Variants in LARGE1 observed in about 807,000 individuals in gnomAD.
LARGE1 encodes the protein LARGE xylosyl- and glucuronyltransferase 1, also known as xylosyl- and glucuronyltransferase LARGE1.
Under a neutral mutation model 87.6 loss-of-function variants are expected in LARGE1, and 43 were observed. That is an observed-to-expected ratio of 0.49 (90% confidence interval 0.38 to 0.63). The LOEUF (loss-of-function observed/expected upper bound fraction) is 0.63, where lower values mean the gene tolerates loss of function less well. Among genes scored for constraint, LARGE1 ranks in the 30% least tolerant of loss-of-function variants. The pLI, the probability that LARGE1 is intolerant of heterozygous loss-of-function variation, is 0.00. For synonymous variants in LARGE1, 434 were observed against 394.6 expected (o/e 1.10, Z -1.18); for missense variants, 802 against 1,000.2 (o/e 0.80, Z 2.67).
chr22:33,864,311 T>G (rs1428011212), intron 1 of LARGE1, among the ~76,000 whole-genome samples: 2 of 152,208 alleles, frequency 1.3e-5, no homozygotes, highest in Non-Finnish European at 2.9e-5. Context: ...TCAGGAAGGT[T>G]ATTTACAATA....
At chr22:33,478,333 G>C (rs1193022013) in intron 6 of LARGE1, among the ~76,000 whole-genome samples, 5 of 152,216 alleles carry the variant, frequency 3.3e-5, no homozygotes, top group African/African-American at 1.2e-4. Flanking sequence ...AGGAGCTCCA[G>C]GCTTAAACCA....
downstream of LARGE1, among the ~76,000 whole-genome samples, chr22:33,158,621 C>T (rs1036263180): frequency 6.6e-6 from 1 of 152,158 alleles, no homozygotes; most frequent in Non-Finnish European, 1.5e-5. Flanking sequence ...GAAGAGGCCT[C>T]TCCATGGGAA....
intron 1 of LARGE1, among the ~76,000 whole-genome samples, chr22:33,908,534 A>G (rs1331193857): frequency 2.3e-5 from 3 of 130,692 alleles, no homozygotes; most frequent in Admixed American, 1.6e-4. Context: ...TTGATGATGC[A>G]TGAAATGGGG....
At chr22:33,085,995 C>G in the LARGE1 span, among the ~76,000 whole-genome samples, 1 of 152,126 alleles carries the variant, frequency 6.6e-6, no homozygotes, top group African/African-American at 2.4e-5. Flanking sequence ...CTATTTTGTT[C>G]AATAGATCCA....
At chr22:33,555,302 C>T (rs1244912331) in intron 6 of LARGE1, among the ~76,000 whole-genome samples, 1 of 152,010 alleles carries the variant, frequency 6.6e-6, no homozygotes, top group African/African-American at 2.4e-5. Context: ...CCAGATGGAG[C>T]CAGCTGTATC....
chr22:33,624,897 T>C (rs1409682101), intron 4 of LARGE1, among the ~76,000 whole-genome samples: 1 of 152,092 alleles, frequency 6.6e-6, no homozygotes, highest in Non-Finnish European at 1.5e-5. Flanking sequence ...GGGGAGAAAG[T>C]GAAAACTATC....
chr22:33,259,036 C>T (rs1039511647), intron 11 of LARGE1, among the ~76,000 whole-genome samples: 3 of 152,054 alleles, frequency 2.0e-5, no homozygotes, highest in Non-Finnish European at 4.4e-5. Flanking sequence ...CGCCACCACA[C>T]CTGGCTAATA....
intron 6 of LARGE1, among the ~76,000 whole-genome samples, chr22:33,557,234 C>T (rs1296971281): frequency 6.6e-6 from 1 of 152,128 alleles, no homozygotes. Context: ...CAAAGTTAAT[C>T]TGAAAATAAT....
intron 2 of LARGE1, among the ~76,000 whole-genome samples, chr22:33,742,151 C>A (rs2083908466): frequency 6.6e-6 from 1 of 152,122 alleles, no homozygotes; most frequent in Non-Finnish European, 1.5e-5. Context: ...CCTGGAGTCC[C>A]CCCAACTCTA....
chr22:33,118,759 A>G, the LARGE1 span, among the ~76,000 whole-genome samples: 3 of 152,222 alleles, frequency 2.0e-5, no homozygotes, highest in East Asian at 5.8e-4. Flanking sequence ...GCAGGTACTC[A>G]ATACCACCTG....
At chr22:33,484,938 G>T (rs1412767695) in intron 6 of LARGE1, among the ~76,000 whole-genome samples, 2 of 144,538 alleles carry the variant, frequency 1.4e-5, no homozygotes, top group Admixed American at 6.9e-5. Context: ...TTGAGACAGA[G>T]TCTCGCTCTG....
intron 5 of LARGE1, among the ~76,000 whole-genome samples, chr22:33,598,354 A>C (rs2079032853): frequency 6.6e-6 from 1 of 152,244 alleles, no homozygotes; most frequent in Admixed American, 6.5e-5. Context: ...GAACCATGTA[A>C]AACATGAGAA....
At chr22:33,884,652 G>A (rs373324944) in intron 1 of LARGE1, among the ~76,000 whole-genome samples, 28 of 152,228 alleles carry the variant, frequency 1.8e-4, no homozygotes, top group African/African-American at 3.6e-4. Flanking sequence ...CTTACACTGC[G>A]GAGGGCCGGC....
Position 33,531,404 on chromosome 22 carries a change from C to T in LARGE1, c.787+33444G>A, listed in dbSNP as rs9609816. Among the ~76,000 whole-genome samples the T allele has an allele frequency of 6.4e-3, 967 of 152,206 alleles. 12 individuals carry two copies. Among genetic ancestry groups the T allele is most frequent in the South Asian group, 0.018 (89 of 4,818 alleles). On this transcript the variant is annotated intron_variant, in intron 6 of 14. Transcript: ENST00000397394. The stretch of plus-strand genomic sequence containing the variant: ...AACTCCTAACCTCAGGTGATCCACC[C>T]GCCTCGGCCTCCCAAAGTGCTGGGA...
chr22:33,632,661 C>G (rs536949591), intron 3 of LARGE1, among the ~76,000 whole-genome samples: 4 of 152,102 alleles, frequency 2.6e-5, no homozygotes, highest in Admixed American at 2.6e-4. Context: ...CATTTCAGCC[C>G]CTAAGCATGC....
At chr22:33,358,142 T>C (rs1941071768) in intron 9 of LARGE1, among the ~76,000 whole-genome samples, 1 of 152,202 alleles carries the variant, frequency 6.6e-6, no homozygotes, top group Non-Finnish European at 1.5e-5. Context: ...TTGAGTTTAC[T>C]GGTCACAGCA....
intron 1 of LARGE1, among the ~76,000 whole-genome samples, chr22:33,901,137 G>A (rs545377006): frequency 9.2e-5 from 14 of 152,246 alleles, no homozygotes; most frequent in African/African-American, 3.4e-4. Context: ...ATAGCTATGT[G>A]ACTGGAGGGA....
At chr22:33,400,993 C>CTGG (rs1048778379) in intron 7 of LARGE1, among the ~76,000 whole-genome samples, 2 of 152,158 alleles carry the variant, frequency 1.3e-5, no homozygotes, top group African/African-American at 4.8e-5. Flanking sequence ...CTGGCATCCC[C>CTGG]TGGTGGCTGG....
intron 2 of LARGE1, among the ~76,000 whole-genome samples, chr22:33,734,234 C>T (rs2083571806): frequency 6.6e-6 from 1 of 152,228 alleles, no homozygotes; most frequent in Admixed American, 6.5e-5. Context: ...ACCCTCTTTC[C>T]ACATAAGGTC....
Sources: gnomAD v4.1 joint callset for allele counts (sites outside exome capture counted in the v4.1 genomes callset) on GRCh38, gnomAD v4.1.1 for gene constraint, MANE v1.5 for transcripts, NCBI Gene and HGNC (gene_info 2026-07-23, HGNC 2026-07-21) for gene names.